Variants in SLX4IP observed in about 807,000 individuals in gnomAD.
The protein encoded by SLX4IP is SLX4 interacting protein.
SLX4IP carries 34 observed loss-of-function variants against 32.9 expected under a neutral mutation model. The ratio of observed to expected loss-of-function variants is 1.03; its 90% CI spans 0.79 to 1.38. The LOEUF (loss-of-function observed/expected upper bound fraction) is 1.38, where lower values mean the gene tolerates loss of function less well. Ranked by LOEUF, SLX4IP falls within the 40% of genes most tolerant of loss-of-function variation. The pLI, the probability that SLX4IP is intolerant of heterozygous loss-of-function variation, is 0.00. For missense variants in SLX4IP, 444 were observed against 479.0 expected (o/e 0.93, Z 0.68); for synonymous variants, 172 against 171.7 (o/e 1.00, Z -0.01).
chr20:10,509,442 T>A (rs1278437366), intron 2 of SLX4IP, among the ~76,000 whole-genome samples: 2 of 152,208 alleles, frequency 1.3e-5, no homozygotes, highest in African/African-American at 2.4e-5. Context: ...TTTTGGGCTG[T>A]AATTTATCTG....
At chr20:10,475,650 A>G (rs1379133231) in intron 2 of SLX4IP, among the ~76,000 whole-genome samples, 2 of 152,166 alleles carry the variant, frequency 1.3e-5, no homozygotes, top group Non-Finnish European at 2.9e-5. Flanking sequence ...TGCAGAAGAT[A>G]GTGGCTCCTC....
At chr20:10,518,462 CCTTTCCTTT>C (rs1568720137) in intron 2 of SLX4IP, among the ~76,000 whole-genome samples, 3,336 of 64,062 alleles carry the variant, frequency 0.052, 263 homozygotes, top group Admixed American at 0.1. Flanking sequence ...TTCCTTCCTT[CCTTTCCTTT>C]CTTTTCCTTT....
chr20:10,550,424 T>C (rs2066205962), intron 2 of SLX4IP, among the ~76,000 whole-genome samples: 1 of 152,110 alleles, frequency 6.6e-6, no homozygotes. Flanking sequence ...CCCTTGTCCT[T>C]CCTCTCCCTC....
intron 4 of SLX4IP, among the ~76,000 whole-genome samples, chr20:10,594,296 G>A (rs1321647473): frequency 3.3e-5 from 5 of 152,182 alleles, no homozygotes; most frequent in Non-Finnish European, 5.9e-5. Flanking sequence ...AGCCTGCCTT[G>A]TAGTTTGGGA....
rs989679931 is a variant in SLX4IP, at chr20:10,512,564, T to TTA, written c.28-43656_28-43655dup. Among the ~76,000 whole-genome samples, 8 of 144,322 alleles carry TTA rather than the reference T, an allele frequency of 5.5e-5. No homozygotes were observed. In the East Asian group the frequency reaches 9.8e-4, roughly 18 times the overall value. The allele number at this position is 144,322 out of a possible 152,430, so 94.7% of individuals were successfully genotyped here. ...TGTGCCCCACCATCCCTGTCTAATT[T>TTA]TATATATATATAGGTGTGTGTATAT... On this transcript the variant is annotated intron_variant, in intron 2 of 7. Coordinates refer to ENST00000334534, the MANE Select transcript of SLX4IP (RefSeq NM_001009608.3).
At chr20:10,519,645 A>G (rs1203304962) in intron 2 of SLX4IP, among the ~76,000 whole-genome samples, 1 of 152,156 alleles carries the variant, frequency 6.6e-6, no homozygotes, top group Non-Finnish European at 1.5e-5. Context: ...GATTGTTTCT[A>G]CTTTTGGACT....
rs1294076445 is a variant in SLX4IP at position 10,622,991 on chromosome 20, C to G, written c.839C>G (p.Ser280Ter). The G allele has an allele frequency of 1.2e-5, 19 of 1,614,096 alleles. No individual in the cohort carries two copies. Among genetic ancestry groups the G allele is most frequent in the African/African-American group, 2.7e-5 (2 of 74,930 alleles). Residue 280 changes from serine to a stop codon, truncating the protein, a stop_gained, in exon 8 of 8, where the codon TCA becomes TGA. Coordinates refer to ENST00000334534, the MANE Select transcript of SLX4IP (RefSeq NM_001009608.3). LOFTEE classifies it high-confidence loss of function. ...CCCGTCTGTAGCTGTGAGTCAGCATCACCATGTCCAAAACAAAGTCCACGA... is the reference window on the plus strand; with the variant it reads ...CCCGTCTGTAGCTGTGAGTCAGCATGACCATGTCCAAAACAAAGTCCACGA... ...RSPVCSCESA[S>*]PCPKQSPRVA...
chr20:10,554,886 T>A (rs758137253), intron 2 of SLX4IP, among the ~76,000 whole-genome samples: 32 of 152,192 alleles, frequency 2.1e-4, no homozygotes, highest in Non-Finnish European at 4.1e-4. Context: ...TTTCTCCCAG[T>A]CTGTAACATA....
chr20:10,601,454 G>C (rs2066840601), intron 5 of SLX4IP, among the ~76,000 whole-genome samples: 1 of 152,132 alleles, frequency 6.6e-6, no homozygotes, highest in South Asian at 2.1e-4. Context: ...CTGACACAGA[G>C]GGGAGGCTAC....
chr20:10,508,049 C>T lies in SLX4IP; in HGVS notation c.28-48182C>T, dbSNP rs150287886. 4.3e-4 allele frequency among the ~76,000 whole-genome samples: 66 copies of T among 152,180 alleles called. No individual in the cohort carries two copies. The East Asian group carries it at 0.01, about 24-fold the overall frequency. ...TTAGTTGCTTTCCCCATGCTAGAGG[C>T]GATCATGCCTAATAATTTATTAGCA... On this transcript the variant is annotated intron_variant, in intron 2 of 7. Coordinates refer to ENST00000334534, the MANE Select transcript of SLX4IP (RefSeq NM_001009608.3).
chr20:10,571,270 G>A (rs1030619812), intron 4 of SLX4IP, among the ~76,000 whole-genome samples: 3 of 152,198 alleles, frequency 2.0e-5, no homozygotes, highest in African/African-American at 7.2e-5. Context: ...CCCAGGACCT[G>A]GAGGCTTTTG....
intron 1 of SLX4IP, among the ~76,000 whole-genome samples, chr20:10,440,455 A>G (rs1162023736): frequency 6.6e-6 from 1 of 151,892 alleles, no homozygotes; most frequent in East Asian, 1.9e-4. Context: ...ACTCTGTCTC[A>G]AAAAAAACCT....
At chr20:10,608,665 C>T (rs2066932057) in intron 6 of SLX4IP, among the ~76,000 whole-genome samples, 1 of 134,628 alleles carries the variant, frequency 7.4e-6, no homozygotes, top group Non-Finnish European at 1.5e-5. Flanking sequence ...CAGAGCAATA[C>T]TCTGTCTCAA....
chr20:10,512,277 G>A (rs1024923968), intron 2 of SLX4IP, among the ~76,000 whole-genome samples: 1 of 152,146 alleles, frequency 6.6e-6, no homozygotes, highest in African/African-American at 2.4e-5. Flanking sequence ...TTGATAATGA[G>A]AAAGAATTTA....
chr20:10,582,613 G>A (rs1016364248), intron 4 of SLX4IP, among the ~76,000 whole-genome samples: 1 of 151,946 alleles, frequency 6.6e-6, no homozygotes, highest in Non-Finnish European at 1.5e-5. Context: ...TTCAACTTGG[G>A]CCACTAGTTT....
chr20:10,446,068 C>G (rs1204159059), intron 1 of SLX4IP, among the ~76,000 whole-genome samples: 8 of 150,960 alleles, frequency 5.3e-5, no homozygotes, highest in Admixed American at 4.0e-4. Flanking sequence ...TTTAACCATT[C>G]ACACGTTGAA....
chr20:10,614,147 G>T, intron 6 of SLX4IP: 2 of 1,103,968 alleles, frequency 1.8e-6, no homozygotes, highest in Non-Finnish European at 2.7e-6. Context: ...CGGAGGCCTC[G>T]CGTTGCACGC....
At chr20:10,549,537 AG>A (rs1224996463) in intron 2 of SLX4IP, among the ~76,000 whole-genome samples, 1 of 152,150 alleles carries the variant, frequency 6.6e-6, no homozygotes, top group Non-Finnish European at 1.5e-5. Flanking sequence ...AATAAAGGGG[AG>A]TGGGTTCCAG....
intron 4 of SLX4IP, among the ~76,000 whole-genome samples, chr20:10,584,525 G>A (rs939962476): frequency 6.6e-6 from 1 of 152,170 alleles, no homozygotes; most frequent in Admixed American, 6.5e-5. Context: ...AACAAAATAA[G>A]ATTTAGAGCA....
Sources: gnomAD v4.1 joint callset for allele counts (sites outside exome capture counted in the v4.1 genomes callset) on GRCh38, gnomAD v4.1.1 for gene constraint, MANE v1.5 for transcripts, NCBI Gene and HGNC (gene_info 2026-07-23, HGNC 2026-07-21) for gene names.